TNR: variants seen among roughly 807,000 people sequenced by gnomAD.
TNR encodes tenascin R.
TNR carries 45 observed loss-of-function variants against 150.4 expected under a neutral mutation model. That is an observed-to-expected ratio of 0.30 (90% CI 0.24 to 0.38). The LOEUF is 0.38. TNR is among the 10% of genes least tolerant of loss of function. TNR has a pLI of 1.00. For synonymous variants in TNR, 687 were observed against 678.4 expected (o/e 1.01, Z -0.20); for missense variants, 1,544 against 1,759.1 (o/e 0.88, Z 2.19).
At chr1:175,616,534 G>C (rs1275341880) in intron 1 of TNR, among the ~76,000 whole-genome samples, 3 of 152,118 alleles carry the variant, frequency 2.0e-5, no homozygotes, top group Non-Finnish European at 2.9e-5. Context: ...TTGCAGGATG[G>C]GGGCAGAGGA....
At chr1:175,697,342 T>A (rs1459966250) in intron 1 of TNR, among the ~76,000 whole-genome samples, 1 of 124,302 alleles carries the variant, frequency 8.0e-6, no homozygotes, top group South Asian at 3.1e-4. Context: ...AGCTCCTTTC[T>A]ACGTCTTTTT....
intron 1 of TNR, among the ~76,000 whole-genome samples, chr1:175,607,622 AAC>A (rs998529636): frequency 2.6e-5 from 4 of 152,202 alleles, no homozygotes; most frequent in African/African-American, 9.7e-5. Flanking sequence ...TTCTGCACCA[AAC>A]ACAATACGTT....
chr1:175,556,002 G>A (rs1274173566), intron 1 of TNR, among the ~76,000 whole-genome samples: 1 of 152,218 alleles, frequency 6.6e-6, no homozygotes, highest in Admixed American at 6.5e-5. Flanking sequence ...TCCACCCCTG[G>A]ATACTTATAT....
intron 1 of TNR, among the ~76,000 whole-genome samples, chr1:175,694,781 A>G (rs1174413663): frequency 6.6e-6 from 1 of 152,192 alleles, no homozygotes; most frequent in Non-Finnish European, 1.5e-5. Context: ...AGAGAAGGCC[A>G]TGTGTAGACA....
rs115587646 is a variant in TNR, at chr1:175,394,355, A to C, written c.1241-460T>G. 7.3e-3 allele frequency among the ~76,000 whole-genome samples: 1,107 copies of C among 152,330 alleles called. 14 individuals carry two copies. The highest frequency in any genetic ancestry group is 0.025 in the African/African-American group (1,043 of 41,560). ...TGCACACAGGAAAAGAGAGGCACAG[A>C]GAAAGCTGGCTAAAGTTGTGGAGCA... On this transcript the variant is annotated intron_variant, in intron 5 of 22. Coordinates refer to ENST00000367674, the MANE Select transcript of TNR (RefSeq NM_003285.3).
intron 1 of TNR, among the ~76,000 whole-genome samples, chr1:175,547,019 T>A (rs568266628): frequency 6.6e-5 from 10 of 152,324 alleles, no homozygotes; most frequent in African/African-American, 2.2e-4. Context: ...TAGTACTTTG[T>A]ACAGTACTTT....
chr1:175,582,974 C>A (rs1203902534), intron 1 of TNR, among the ~76,000 whole-genome samples: 3 of 151,570 alleles, frequency 2.0e-5, no homozygotes, highest in Non-Finnish European at 2.9e-5. Context: ...GCAAAAAAGC[C>A]CCCCCAACCC....
At chr1:175,480,230 T>C (rs1657722210) in intron 2 of TNR, among the ~76,000 whole-genome samples, 1 of 150,326 alleles carries the variant, frequency 6.7e-6, no homozygotes, top group African/African-American at 2.5e-5. Context: ...CTGCATAAAG[T>C]TGAGAAGGCA....
At chr1:175,624,873 G>C (rs1251528260) in intron 1 of TNR, among the ~76,000 whole-genome samples, 1 of 152,086 alleles carries the variant, frequency 6.6e-6, no homozygotes, top group Non-Finnish European at 1.5e-5. Flanking sequence ...TTTCACCATG[G>C]GGTCACTAGA....
intron 2 of TNR, among the ~76,000 whole-genome samples, chr1:175,408,336 C>T (rs1654052510): frequency 6.6e-6 from 1 of 152,200 alleles, no homozygotes; most frequent in African/African-American, 2.4e-5. Flanking sequence ...TTAAATCATT[C>T]TCCAACTAAT....
In TNR at chr1:175,316,128, G is replaced by C. The variant is rs1311005964; in HGVS notation, c.*7229C>G. On this transcript the variant is annotated 3_prime_UTR_variant, in exon 23 of 23. Transcript: ENST00000367674. ...TAAACATCATTCAATTAAAGGGAAG[G>C]GGTTTATGTCTGGAGTTTTGGCCTG... 2 of 152,150 alleles carry C rather than the reference G, an allele frequency of 1.3e-5. No individual in the cohort carries two copies. The highest frequency in any genetic ancestry group is 4.8e-5 in the African/African-American group (2 of 41,418). The allele number at this position is 152,150 out of a possible 1,614,324, so 9.4% of individuals were successfully genotyped here. A position where few individuals can be genotyped will look rare whatever the true frequency, so the allele number is the denominator to read the frequency against.
chr1:175,609,526 A>G (rs1663526631), intron 1 of TNR, among the ~76,000 whole-genome samples: 1 of 152,176 alleles, frequency 6.6e-6, no homozygotes, highest in Non-Finnish European at 1.5e-5. Flanking sequence ...TGGTAGCTGG[A>G]CATAGTAGTG....
chr1:175,629,854 G>A (rs1001242377), intron 1 of TNR, among the ~76,000 whole-genome samples: 3 of 152,222 alleles, frequency 2.0e-5, no homozygotes, highest in Admixed American at 6.5e-5. Context: ...ACAATCATTA[G>A]TAGGTAAATG....
intron 1 of TNR, among the ~76,000 whole-genome samples, chr1:175,623,846 G>T (rs1664058778): frequency 6.6e-6 from 1 of 152,258 alleles, no homozygotes; most frequent in African/African-American, 2.4e-5. Flanking sequence ...GGCCACTGAA[G>T]TGCTCCGGGG....
chr1:175,419,901 T>C (rs1404524090), intron 2 of TNR, among the ~76,000 whole-genome samples: 3 of 152,010 alleles, frequency 2.0e-5, no homozygotes, highest in Non-Finnish European at 4.4e-5. Context: ...TTGGAACTCT[T>C]AATTTGCCGC....
intron 1 of TNR, among the ~76,000 whole-genome samples, chr1:175,561,783 C>T (rs1243650583): frequency 6.6e-6 from 1 of 152,200 alleles, no homozygotes; most frequent in Non-Finnish European, 1.5e-5. Context: ...CACATTAGAG[C>T]TGGGACTTTT....
chr1:175,734,127 A>G (rs1667713875), intron 1 of TNR, among the ~76,000 whole-genome samples: 1 of 152,162 alleles, frequency 6.6e-6, no homozygotes, highest in Non-Finnish European at 1.5e-5. Context: ...CAGGCCAAAT[A>G]GGGCCTCCCC....
At chr1:175,403,940 G>C (rs138255386) in intron 3 of TNR, among the ~76,000 whole-genome samples, 6 of 152,248 alleles carry the variant, frequency 3.9e-5, no homozygotes, top group Admixed American at 3.3e-4. Flanking sequence ...TTTATTGGAA[G>C]GTGTTCCCAG....
intron 18 of TNR, among the ~76,000 whole-genome samples, chr1:175,348,775 A>C (rs959584255): frequency 6.6e-6 from 1 of 152,230 alleles, no homozygotes; most frequent in African/African-American, 2.4e-5. Context: ...AATAGGCTAA[A>C]TATAGAGAAA....
Sources: allele counts gnomAD v4.1 joint callset (sites outside exome capture counted in the v4.1 genomes callset), GRCh38; gene constraint gnomAD v4.1.1; transcripts MANE v1.5; gene names NCBI Gene and HGNC (gene_info 2026-07-23, HGNC 2026-07-21).